The following TLX3 variants were observed in gnomAD, a reference collection of about 807,000 sequenced individuals.
The protein encoded by TLX3 is T-cell leukemia homeobox protein 3.
A neutral mutation model predicts 19.6 loss-of-function variants in TLX3; 11 were observed. The ratio of observed to expected loss-of-function variants is 0.56; its 90% confidence interval spans 0.35 to 0.93. The LOEUF (loss-of-function observed/expected upper bound fraction) is 0.93. TLX3 is among the 40% of genes least tolerant of loss of function. The probability of loss-of-function intolerance (pLI) is 0.01; values close to 1 mark genes in which losing one functional copy is unlikely to be tolerated. For synonymous variants in TLX3, 221 were observed against 188.1 expected, an observed-to-expected ratio of 1.17 and a Z score of -1.43; for missense variants, 375 against 418.6, an observed-to-expected ratio of 0.90 and a Z score of 0.91.
At chr5:171,310,036 G>A in intron 1 of TLX3, 114 bp from the exon 2 acceptor site, 1 of 1,431,008 alleles carries the variant, frequency 7.0e-7, no homozygotes, top group Non-Finnish European at 9.2e-7. Flanking sequence ...AAACGCGCGC[G>A]ACCAGCGAAA....
rs1479349666 is a variant in TLX3 at position 171,309,273 on chromosome 5, C to G, written c.-93C>G. The G allele has an allele frequency of 3.6e-6, 4 of 1,114,990 alleles. No homozygotes were observed. The highest frequency in any genetic ancestry group is 6.0e-5 in the East Asian group (2 of 33,580). The allele number at this position is 1,114,990 out of a possible 1,614,324, so 69.1% of individuals were successfully genotyped here. A position where few individuals can be genotyped will look rare whatever the true frequency, so the allele number is the denominator to read the frequency against. On this transcript the variant is annotated 5_prime_UTR_variant, in exon 1 of 3. Coordinates refer to ENST00000296921, the MANE Select transcript of TLX3 (RefSeq NM_021025.4). The stretch of plus-strand genomic sequence containing the variant: ...GCGCACTCTTGGCAAAGTTTCAGTG[C>G]GACGAGAGGCGCCGGGCGCTCCATG...
intron 2 of TLX3, among the ~76,000 whole-genome samples, chr5:171,310,732 G>A (rs1419573137): frequency 2.5e-4 from 11 of 43,884 alleles, no homozygotes; most frequent in Non-Finnish European, 3.6e-4. Context: ...AAACACACAG[G>A]CACACACACA....
chr5:171,309,730 G>T lies in TLX3; in HGVS notation c.365G>T (p.Gly122Val). Residue 122 changes from glycine (G) to valine (V), a missense_variant, in exon 1 of 3, where the codon GGT becomes GTT. Coordinates refer to ENST00000296921, the MANE Select transcript of TLX3 (RefSeq NM_021025.4). ...GTGCCCACGGTCTCCAGCCTTGGCG[G>T]TCTCAATTTCCCCTGGATGGAGAGC... Reference protein sequence around the residue: ...PSVPTVSSLGGLNFPWMESSR... With the variant: ...PSVPTVSSLGVLNFPWMESSR... 6.2e-7 allele frequency: 1 copy of T among 1,610,948 alleles called. No individual in the cohort carries two copies. Among genetic ancestry groups the T allele is most frequent in the Non-Finnish European group, 8.5e-7 (1 of 1,179,158 alleles).
chr5:171,311,800 CCCCGCCCCGCGCCCCGT>C lies in TLX3; in HGVS notation c.*210_*226del. On this transcript the variant is annotated 3_prime_UTR_variant, in exon 3 of 3. Transcript: ENST00000296921. This position sits in a 1 kb window ranked among gnomAD's most constrained non-coding sequence, Gnocchi z 5.1. ...CTCCGCGCGGCCGCACAATCCGAGC[CCCCGCCCCGCGCCCCGT>C]CCCGCCCCAGGCCCGGGCCTGACAA... The C allele has an allele frequency of 2.6e-6, 1 of 388,310 alleles. No individual in the cohort carries two copies. Among genetic ancestry groups the C allele is most frequent in the Non-Finnish European group, 4.5e-6 (1 of 221,434 alleles). The allele number at this position is 388,310 out of a possible 1,614,324, so 24.1% of individuals were successfully genotyped here. A position where few individuals can be genotyped will look rare whatever the true frequency, so the allele number is the denominator to read the frequency against.
chr5:171,309,808 G>A (rs749399896), intron 1 of TLX3, 22 bp downstream of exon 1: 6 of 1,557,956 alleles, frequency 3.9e-6, no homozygotes, highest in Non-Finnish European at 4.3e-6. Context: ...TGGCGACCAG[G>A]CTCCAGGCCT....
At chr5:171,309,882 G>T in intron 1 of TLX3, 96 bp downstream of exon 1, 5 of 1,425,840 alleles carry the variant, frequency 3.5e-6, no homozygotes, top group Non-Finnish European at 4.6e-6. Flanking sequence ...CATTTCAGAG[G>T]CCCAAGCGCG....
Position 171,309,291 on chromosome 5 carries a change from G to A in TLX3, c.-75G>A, listed in dbSNP as rs1409852496. On this transcript the variant is annotated 5_prime_UTR_variant, in exon 1 of 3. Transcript: ENST00000296921. ...TTCAGTGCGACGAGAGGCGCCGGGCGCTCCATGGCCGCGCCGTAACGGGGA... is the reference window on the plus strand; with the variant it reads ...TTCAGTGCGACGAGAGGCGCCGGGCACTCCATGGCCGCGCCGTAACGGGGA... 12 of 1,270,910 alleles carry A rather than the reference G, an allele frequency of 9.4e-6. No homozygotes were observed. In the East Asian group the frequency reaches 2.9e-4, roughly 30 times the overall value. The allele number at this position is 1,270,910 out of a possible 1,614,324, so 78.7% of individuals were successfully genotyped here. A position where few individuals can be genotyped will look rare whatever the true frequency, so the allele number is the denominator to read the frequency against.
chr5:171,311,498 G>T lies in TLX3; in HGVS notation c.775G>T (p.Asp259Tyr). The T allele has an allele frequency of 6.2e-7, 1 of 1,613,122 alleles. No homozygotes were observed. The highest frequency in any genetic ancestry group is 8.5e-7 in the Non-Finnish European group (1 of 1,179,600). Residue 259 changes from aspartate to tyrosine, a missense_variant, in exon 3 of 3, where the codon GAC becomes TAC. By Grantham distance (160) the Asp-to-Tyr change is radical (BLOSUM62 -3). Around this residue, in one of 3 missense-constraint regions of TLX3, gnomAD observed 62 missense variants for 63.1 expected, o/e 0.98. Coordinates refer to ENST00000296921, the MANE Select transcript of TLX3 (RefSeq NM_021025.4). The surrounding 1 kb of genome is among the most constrained non-coding windows in gnomAD (Gnocchi z 5.1). ...GAGCCTCAACGACTCCATCCAGCCT[G>T]ACCCGCTCTGTCTGCACAACTCGTC... ...QKSLNDSIQP[D>Y]PLCLHNSSLF...
In TLX3 at chr5:171,311,675, C is replaced by A; in HGVS notation, c.*76C>A. 1 of 1,183,076 alleles carries A rather than the reference C, an allele frequency of 8.5e-7. No homozygotes were observed. The highest frequency in any genetic ancestry group is 1.2e-6 in the Non-Finnish European group (1 of 849,434). The allele number at this position is 1,183,076 out of a possible 1,614,324, so 73.3% of individuals were successfully genotyped here. On this transcript the variant is annotated 3_prime_UTR_variant, in exon 3 of 3. Coordinates refer to ENST00000296921, the MANE Select transcript of TLX3 (RefSeq NM_021025.4). This position sits in a 1 kb window ranked among gnomAD's most constrained non-coding sequence, Gnocchi z 5.1. ...CGCCCCGGACCCCCCAGGCGGGCTGCGGGGGAACCGGCGCCGAGAGGGGAA... is the reference window on the plus strand; with the variant it reads ...CGCCCCGGACCCCCCAGGCGGGCTGAGGGGGAACCGGCGCCGAGAGGGGAA...
chr5:171,309,476 C>T lies in TLX3; in HGVS notation c.111C>T (p.Gly37=). 6.3e-7 allele frequency: 1 copy of T among 1,592,212 alleles called. No homozygotes were observed. Among genetic ancestry groups the T allele is most frequent in the Non-Finnish European group, 8.5e-7 (1 of 1,170,832 alleles). ...PDQDSAPAPR[G]PDGASYLGGP... ...AGGACAGCGCACCCGCCCCGCGGGG[C>T]CCCGACGGCGCCAGCTACCTGGGAG... The change falls in exon 1 of 3, where the codon GGC becomes GGT. Residue 37 remains glycine (G), a synonymous_variant. Coordinates refer to ENST00000296921, the MANE Select transcript of TLX3 (RefSeq NM_021025.4).
At chr5:171,310,469 C>T (rs548445209) in intron 2 of TLX3, 76 bp downstream of exon 2, 2 of 1,559,852 alleles carry the variant, frequency 1.3e-6, no homozygotes, top group African/African-American at 2.7e-5. Context: ...CTCGCACTAG[C>T]CCTATTTTAA....
rs1469744810 is a variant in TLX3 at position 171,311,476 on chromosome 5, C to T, written c.753C>T (p.Ser251=). 1.2e-6 allele frequency: 2 copies of T among 1,609,502 alleles called. No homozygotes were observed. Among genetic ancestry groups the T allele is most frequent in the Middle Eastern group, 1.7e-4 (1 of 6,034 alleles). The change falls in exon 3 of 3, where the codon AGC becomes AGT. Residue 251 remains serine, a synonymous_variant. Coordinates refer to ENST00000296921, the MANE Select transcript of TLX3 (RefSeq NM_021025.4). This position sits in a 1 kb window ranked among gnomAD's most constrained non-coding sequence, Gnocchi z 5.1. ...TGCAACACGACGCCTTCCAAAAGAG[C>T]CTCAACGACTCCATCCAGCCTGACC... ...LQLQHDAFQK[S]LNDSIQPDPL... is the part of the protein sequence containing the mutation.
intron 1 of TLX3, 93 bp from the exon 2 acceptor site, chr5:171,310,057 C>A: frequency 6.8e-7 from 1 of 1,463,588 alleles, no homozygotes. Flanking sequence ...TAGCGGAGCT[C>A]TCCGTGTCCC....
At position 171,311,397 on chromosome 5, in the gene TLX3, C is replaced by G. The variant is rs1489811869; in HGVS notation, c.674C>G (p.Thr225Arg). The G allele has an allele frequency of 6.4e-7, 1 of 1,550,668 alleles. No homozygotes were observed. The highest frequency in any genetic ancestry group is 8.7e-7 in the Non-Finnish European group (1 of 1,147,678). The change falls in exon 3 of 3, where the codon ACG becomes AGG. Residue 225 changes from threonine to arginine, a missense_variant. By Grantham distance (71) the Thr-to-Arg change is moderately conservative. Coordinates refer to ENST00000296921, the MANE Select transcript of TLX3 (RefSeq NM_021025.4). The surrounding 1 kb of genome is among the most constrained non-coding windows in gnomAD (Gnocchi z 5.1). ...QNRRTKWRRQ[T>R]AEEREAERQQ... ...TCCCTCCCCCGGTGCAGGCGGCAGA[C>G]GGCGGAGGAGCGGGAGGCGGAGCGG...
In TLX3 at chr5:171,309,363, A is replaced by G. The variant is rs1319308468; in HGVS notation, c.-3A>G. On this transcript the variant is annotated 5_prime_UTR_variant, in exon 1 of 3. Coordinates refer to ENST00000296921, the MANE Select transcript of TLX3 (RefSeq NM_021025.4). ...CCCAGCCCAGCCCTTCCGCCCGCCC[A>G]GGATGGAGGCGCCCGCCAGCGCGCA... 2.1e-5 allele frequency: 12 copies of G among 574,048 alleles called. No homozygotes were observed. The East Asian group carries it at 7.9e-4, about 38-fold the overall frequency. The allele number at this position is 574,048 out of a possible 1,614,324, so 35.6% of individuals were successfully genotyped here.
In TLX3 at chr5:171,309,327, T is replaced by TACCC; in HGVS notation, c.-39_-38insACCC. The TACCC allele has an allele frequency of 3.6e-4, 353 of 976,366 alleles. No individual in the cohort carries two copies. The highest frequency in any genetic ancestry group is 6.6e-4 in the Middle Eastern group (2 of 3,040). The allele number at this position is 976,366 out of a possible 1,614,324, so 60.5% of individuals were successfully genotyped here. On this transcript the variant is annotated 5_prime_UTR_variant, in exon 1 of 3. Transcript: ENST00000296921. ...GCGCCGTAACGGGGACCCAGCCGCC[T>TACCC]CCCCGCCCAGCCCAGCCCAGCCCTT... is the stretch of plus-strand genomic sequence containing the variant.
At position 171,311,180 on chromosome 5, in the gene TLX3, A is replaced by G. The variant is rs938386647; in HGVS notation, c.666-209A>G. Among the ~76,000 whole-genome samples the G allele has an allele frequency of 1.3e-5, 2 of 152,190 alleles. No individual in the cohort carries two copies. The highest frequency in any genetic ancestry group is 2.9e-5 in the Non-Finnish European group (2 of 68,030). The stretch of plus-strand genomic sequence containing the variant: ...GGCGGCGGGCAGAGTCCCCTCCTGG[A>G]GACCCTCTGGCACACAACAAAAACA... On this transcript the variant is annotated intron_variant, in intron 2 of 2. Coordinates refer to ENST00000296921, the MANE Select transcript of TLX3 (RefSeq NM_021025.4). This position sits in a 1 kb window ranked among gnomAD's most constrained non-coding sequence, Gnocchi z 5.1.
rs762458039 is a variant in TLX3 at position 171,309,480 on chromosome 5, G to A, written c.115G>A (p.Asp39Asn). ...CAGCGCACCCGCCCCGCGGGGCCCC[G>A]ACGGCGCCAGCTACCTGGGAGGGCC... Reference protein sequence around the residue: ...QDSAPAPRGPDGASYLGGPPG... With the variant: ...QDSAPAPRGPNGASYLGGPPG... The change falls in exon 1 of 3, where the codon GAC becomes AAC. Residue 39 changes from aspartate (D) to asparagine (N), a missense_variant. Physicochemically the swap from Asp to Asn is conservative, Grantham distance 23 (BLOSUM62 1). This residue lies in a region of TLX3 where 239 missense variants were observed against 217.0 expected (regional missense o/e 1.10). Coordinates refer to ENST00000296921, the MANE Select transcript of TLX3 (RefSeq NM_021025.4). 3 of 1,589,800 alleles carry A rather than the reference G, an allele frequency of 1.9e-6. No homozygotes were observed. The East Asian group carries it at 6.9e-5, about 37-fold the overall frequency.
In TLX3 at chr5:171,309,575, C is replaced by A. The variant is rs1358866484; in HGVS notation, c.210C>A (p.Phe70Leu). ...CCTTTGCGGGCCTCGGCGCGCCCTT[C>A]GAGGACGCGGGATCTTACAGTGTGA... is the stretch of plus-strand genomic sequence containing the variant. ...PASFAGLGAP[F>L]EDAGSYSVNL... Residue 70 changes from phenylalanine (F) to leucine (L), a missense_variant, in exon 1 of 3, where the codon TTC (phenylalanine) becomes TTA (leucine). By Grantham distance (22) the Phe-to-Leu change is conservative (BLOSUM62 0). Transcript: ENST00000296921. The A allele has an allele frequency of 3.8e-6, 6 of 1,594,814 alleles. No individual in the cohort carries two copies. The highest frequency in any genetic ancestry group is 3.5e-5 in the Admixed American group (2 of 57,692).
Sources: allele counts gnomAD v4.1 joint callset (sites outside exome capture counted in the v4.1 genomes callset), GRCh38; gene constraint gnomAD v4.1.1; regional missense constraint gnomAD v4.1.1; non-coding constraint Gnocchi (gnomAD v3.1); transcripts MANE v1.5; gene names NCBI Gene and HGNC (gene_info 2026-07-23, HGNC 2026-07-21).